The following DGKI variants were observed in gnomAD, a reference collection of about 807,000 sequenced individuals.
DGKI encodes diacylglycerol kinase iota, also known as DAG kinase iota.
Under a neutral mutation model 147.5 loss-of-function variants are expected in DGKI, and 55 were observed. The ratio of observed to expected loss-of-function variants is 0.37; its 90% CI spans 0.30 to 0.47. The LOEUF is 0.47. Among genes scored for constraint, DGKI ranks in the 20% least tolerant of loss-of-function variants. The pLI is 1.00. For missense variants in DGKI, 1,007 were observed against 1,323.8 expected (o/e 0.76, Z 3.71); for synonymous variants, 469 against 477.1 (o/e 0.98, Z 0.22).
At chr7:137,623,047 G>T (rs998690923) in intron 7 of DGKI, among the ~76,000 whole-genome samples, 1 of 152,186 alleles carries the variant, frequency 6.6e-6, no homozygotes, top group African/African-American at 2.4e-5. Flanking sequence ...ATTAAAACCA[G>T]AAGAGCCAGG....
intron 28 of DGKI, among the ~76,000 whole-genome samples, chr7:137,435,432 T>A (rs547422105): frequency 6.6e-6 from 1 of 152,034 alleles, no homozygotes; most frequent in Non-Finnish European, 1.5e-5. Context: ...ACAATGAAGG[T>A]GCCTGCCAGA....
intron 1 of DGKI, chr7:137,774,529 A>C (rs549777362): frequency 6.6e-6 from 1 of 152,290 alleles, no homozygotes; most frequent in South Asian, 2.1e-4. Context: ...TGTGTCTGCA[A>C]AACACACATT....
At chr7:137,675,190 G>T (rs981953942) in intron 3 of DGKI, among the ~76,000 whole-genome samples, 1 of 152,148 alleles carries the variant, frequency 6.6e-6, no homozygotes. Context: ...CAAAGCAGCT[G>T]AGAGTCCCCA....
chr7:137,474,058 G>C lies in DGKI; in HGVS notation c.2374-4439C>G, dbSNP rs193090611. On this transcript the variant is annotated intron_variant, in intron 23 of 32. Transcript: ENST00000614521. ...ACTTTTGTGAAGCTCTTTCCACCTT[G>C]TTCCTTTAAGAAGAAGTGAGTTCTT... Among the ~76,000 whole-genome samples, 78 of 152,226 alleles carry C rather than the reference G, an allele frequency of 5.1e-4. 1 individual carries two copies. The highest frequency in any genetic ancestry group is 1.7e-3 in the African/African-American group (69 of 41,536).
At chr7:137,396,954 A>G (rs1333021619) in intron 31 of DGKI, among the ~76,000 whole-genome samples, 1 of 152,252 alleles carries the variant, frequency 6.6e-6, no homozygotes, top group Non-Finnish European at 1.5e-5. Context: ...GTCCTGTTCT[A>G]GACTAACAGA....
intron 21 of DGKI, among the ~76,000 whole-genome samples, chr7:137,515,750 T>G (rs1054459067): frequency 2.0e-5 from 3 of 152,082 alleles, no homozygotes; most frequent in Admixed American, 6.6e-5. Flanking sequence ...CACTGAGATG[T>G]CGGGTGAGTT....
intron 28 of DGKI, among the ~76,000 whole-genome samples, chr7:137,421,711 G>A (rs1812577988): frequency 6.6e-6 from 1 of 152,188 alleles, no homozygotes; most frequent in Non-Finnish European, 1.5e-5. Flanking sequence ...TTCCACTTCT[G>A]CGATTAAGTC....
At chr7:137,766,085 G>A (rs1463562159) in intron 1 of DGKI, among the ~76,000 whole-genome samples, 3 of 152,136 alleles carry the variant, frequency 2.0e-5, no homozygotes, top group Non-Finnish European at 4.4e-5. Context: ...TACAGATGAA[G>A]ATAAGAGGAG....
chr7:137,683,368 G>GTTTT (rs1823306061), intron 2 of DGKI, among the ~76,000 whole-genome samples: 1 of 150,656 alleles, frequency 6.6e-6, no homozygotes. Context: ...TTTTGTTTGT[G>GTTTT]TTTGTTTGTT....
intron 5 of DGKI, 131 bp from the exon 6 acceptor site, chr7:137,645,668 G>T: frequency 2.8e-6 from 2 of 716,602 alleles, no homozygotes; most frequent in Non-Finnish European, 4.3e-6. Flanking sequence ...CTCTGCTCAA[G>T]CAATTCACCC....
intron 29 of DGKI, among the ~76,000 whole-genome samples, chr7:137,408,894 G>A (rs1021026065): frequency 1.4e-4 from 22 of 152,112 alleles, no homozygotes; most frequent in Admixed American, 8.5e-4. Flanking sequence ...TAGGACAAAT[G>A]AGAATTAAAT....
intron 14 of DGKI, among the ~76,000 whole-genome samples, chr7:137,583,496 A>G (rs1819278422): frequency 1.3e-5 from 2 of 152,196 alleles, no homozygotes; most frequent in Admixed American, 1.3e-4. Context: ...TCTGGTCACC[A>G]TCACCTAAAT....
At chr7:137,534,146 G>T (rs1326445711) in intron 20 of DGKI, among the ~76,000 whole-genome samples, 1 of 151,988 alleles carries the variant, frequency 6.6e-6, no homozygotes, top group African/African-American at 2.4e-5. Context: ...AAAATAATTG[G>T]ATTATTTGGA....
intron 1 of DGKI, among the ~76,000 whole-genome samples, chr7:137,819,718 G>A (rs1797842468): frequency 6.6e-6 from 1 of 152,160 alleles, no homozygotes; most frequent in Admixed American, 6.5e-5. Context: ...CCAAGAAGGT[G>A]AGATCCAAAC....
At chr7:137,427,456 C>A (rs2128909348) in intron 28 of DGKI, among the ~76,000 whole-genome samples, 1 of 152,026 alleles carries the variant, frequency 6.6e-6, no homozygotes, top group South Asian at 2.1e-4. Flanking sequence ...CAGGAAAGAT[C>A]CAAAATTGAC....
rs73728811 is a variant in DGKI, at chr7:137,721,985, A to C, written c.402-31983T>G. The C allele has an allele frequency of 2.4e-4, 365 of 1,541,610 alleles. No homozygotes were observed. In the African/African-American group the frequency reaches 4.4e-3, roughly 18 times the overall value. The stretch of plus-strand genomic sequence containing the variant: ...ATAGTGAGCTCTTTCCCATCTTGCA[A>C]GATGGCGGGTGAAAAAGTTGAGAAG... On this transcript the variant is annotated intron_variant, in intron 1 of 32. Transcript: ENST00000614521.
chr7:137,390,214 C>G lies in DGKI; in HGVS notation c.*1006G>C, dbSNP rs1214912527. ...TTTTCCAAGTCAATTAGGGTGCTTT[C>G]TATTATCATTCAACAAAGTTTAGAA... On this transcript the variant is annotated 3_prime_UTR_variant, in exon 33 of 33. Coordinates refer to ENST00000614521, the MANE Select transcript of DGKI (RefSeq NM_001321708.2). 6.6e-6 allele frequency: 1 copy of G among 152,000 alleles called. No individual in the cohort carries two copies. The highest frequency in any genetic ancestry group is 1.5e-5 in the Non-Finnish European group (1 of 67,952). 9.4% of individuals were successfully genotyped at this position (152,000 alleles called of 1,614,324 possible).
intron 19 of DGKI, among the ~76,000 whole-genome samples, chr7:137,562,964 AG>A (rs1176520999): frequency 1.3e-5 from 2 of 152,162 alleles, no homozygotes; most frequent in African/African-American, 2.4e-5. Flanking sequence ...ATGCAAGAAA[AG>A]AAATTTATTT....
chr7:137,676,508 C>T (rs1364764952), intron 3 of DGKI, among the ~76,000 whole-genome samples: 1 of 152,112 alleles, frequency 6.6e-6, no homozygotes, highest in African/African-American at 2.4e-5. Flanking sequence ...GGTAAAGAAA[C>T]TGAGCTTCAA....
Sources: gnomAD v4.1 joint callset for allele counts (sites outside exome capture counted in the v4.1 genomes callset) on GRCh38, gnomAD v4.1.1 for gene constraint, MANE v1.5 for transcripts, NCBI Gene and HGNC (gene_info 2026-07-23, HGNC 2026-07-21) for gene names.